The following TSNARE1 variants were observed in gnomAD, a reference collection of about 807,000 sequenced individuals.
TSNARE1 encodes t-SNARE domain-containing protein 1.
TSNARE1 carries 49 observed loss-of-function variants against 62.0 expected under a neutral mutation model. The ratio of observed to expected loss-of-function variants is 0.79; its 90% confidence interval spans 0.63 to 1.00. The LOEUF (loss-of-function observed/expected upper bound fraction) is 1.00. Ranked by LOEUF, TSNARE1 falls within the 50% of genes least tolerant of loss-of-function variation. The pLI, the probability that TSNARE1 is intolerant of heterozygous loss-of-function variation, is 0.00. For missense variants in TSNARE1, 755 were observed against 700.1 expected (o/e 1.08, Z -0.88); for synonymous variants, 328 against 294.4 (o/e 1.11, Z -1.17).
intron 12 of TSNARE1, among the ~76,000 whole-genome samples, chr8:142,256,964 A>G (rs1056828718): frequency 3.9e-5 from 6 of 152,152 alleles, no homozygotes; most frequent in African/African-American, 1.4e-4. Context: ...TGGAGGGAAA[A>G]CAGGCTCATT....
chr8:142,267,877 C>T (rs932019490), intron 12 of TSNARE1, among the ~76,000 whole-genome samples: 2 of 152,202 alleles, frequency 1.3e-5, no homozygotes, highest in East Asian at 1.9e-4. Context: ...TGGGATAGGT[C>T]GGCAACCCTC....
rs1833032921 is a variant in TSNARE1, at chr8:142,344,192, CGCATTCACGG to C, written c.509_518del (p.Ala170GlyfsTer12). On this transcript the variant is annotated frameshift_variant, in exon 4 of 14. Transcript: ENST00000524325. LOFTEE classifies it high-confidence loss of function. ...CAACGTCGCGGCGACAGTAGCCCAG[CGCATTCACGG>C]CCTGCAGGATGCGGCTCCACACGCG... is the stretch of plus-strand genomic sequence containing the variant. The C allele has an allele frequency of 6.2e-7, 1 of 1,613,408 alleles. No individual in the cohort carries two copies. The highest frequency in any genetic ancestry group is 8.5e-7 in the Non-Finnish European group (1 of 1,179,894).
rs573573980 is a variant in TSNARE1 at position 142,383,997 on chromosome 8, C to T, written c.-40+19107G>A. 1.2e-4 allele frequency among the ~76,000 whole-genome samples: 19 copies of T among 152,252 alleles called. No homozygotes were observed. In the South Asian group the frequency reaches 3.7e-3, roughly 30 times the overall value. On this transcript the variant is annotated intron_variant, in intron 1 of 13. Coordinates refer to ENST00000524325, the MANE Select transcript of TSNARE1 (RefSeq NM_145003.5). ...ACAGGAGGGAGTGAAGCAGCACTGGCGGTAGAAGGGGTGCAGTGCAGCACC... is the reference window on the plus strand; with the variant it reads ...ACAGGAGGGAGTGAAGCAGCACTGGTGGTAGAAGGGGTGCAGTGCAGCACC...
chr8:142,362,273 G>A (rs1002596590), intron 1 of TSNARE1, among the ~76,000 whole-genome samples: 1 of 152,330 alleles, frequency 6.6e-6, no homozygotes, highest in Middle Eastern at 3.4e-3. Context: ...TGGCCTCAGG[G>A]GTTGCTGCTG....
chr8:142,392,759 G>T (rs1236103045), intron 1 of TSNARE1, among the ~76,000 whole-genome samples: 1 of 152,082 alleles, frequency 6.6e-6, no homozygotes, highest in African/African-American at 2.4e-5. Context: ...GGGCCAACAT[G>T]GCGAAACCCC....
intron 12 of TSNARE1, chr8:142,273,720 G>A: frequency 1.0e-6 from 1 of 985,356 alleles, no homozygotes. Context: ...CCCGGGCTGG[G>A]TCCCACTGGG....
intron 6 of TSNARE1, among the ~76,000 whole-genome samples, chr8:142,320,524 G>A (rs1193784922): frequency 6.6e-6 from 1 of 151,648 alleles, no homozygotes; most frequent in Non-Finnish European, 1.5e-5. Context: ...CCACCCCTAG[G>A]TTCTAGGCCC....
At chr8:142,344,506 C>G (rs760278742) in intron 3 of TSNARE1, 34 bp from the exon 4 acceptor site, 14 of 1,465,476 alleles carry the variant, frequency 9.6e-6, no homozygotes, top group Non-Finnish European at 1.3e-5. Context: ...TGTTTAAGGC[C>G]CTGGGCCTGT....
At chr8:142,232,609 G>T (rs1044848719) in intron 12 of TSNARE1, among the ~76,000 whole-genome samples, 4 of 152,344 alleles carry the variant, frequency 2.6e-5, no homozygotes, top group Middle Eastern at 3.4e-3. Context: ...GAAAGGCAGG[G>T]AAAGGACGCC....
intron 10 of TSNARE1, among the ~76,000 whole-genome samples, chr8:142,289,233 C>A (rs897314359): frequency 6.6e-6 from 1 of 152,200 alleles, no homozygotes; most frequent in Non-Finnish European, 1.5e-5. Context: ...GGGCTCCAGG[C>A]AAGCAGCCAC....
chr8:142,398,813 G>A (rs920095667), intron 1 of TSNARE1, among the ~76,000 whole-genome samples: 1 of 152,168 alleles, frequency 6.6e-6, no homozygotes, highest in Admixed American at 6.5e-5. Context: ...TGTCCTGCTT[G>A]CCTGCAGTGG....
intron 12 of TSNARE1, among the ~76,000 whole-genome samples, chr8:142,257,855 C>A (rs963681720): frequency 6.6e-6 from 1 of 152,148 alleles, no homozygotes; most frequent in African/African-American, 2.4e-5. Flanking sequence ...GGCCCCACAG[C>A]CAGAAAGTGA....
At position 142,278,638 on chromosome 8, in the gene TSNARE1, AC is replaced by A. The variant is rs1019545112; in HGVS notation, c.1364-3776del. On this transcript the variant is annotated intron_variant, in intron 11 of 13. Coordinates refer to ENST00000524325, the MANE Select transcript of TSNARE1 (RefSeq NM_145003.5). ...CAGCATCACCCTCAGAGCCAGCGTCACCCTTGGAGCCAGTGGCAGCTGCGGG... is the reference window on the plus strand; with the variant it reads ...CAGCATCACCCTCAGAGCCAGCGTCACCTTGGAGCCAGTGGCAGCTGCGGG... 3 of 985,296 alleles carry A rather than the reference AC, an allele frequency of 3.0e-6. No individual in the cohort carries two copies. The African/African-American group carries it at 5.2e-5, about 17-fold the overall frequency. 61.0% of individuals were successfully genotyped at this position (985,296 alleles called of 1,614,324 possible).
intron 1 of TSNARE1, among the ~76,000 whole-genome samples, chr8:142,401,856 G>A (rs1838316461): frequency 1.3e-5 from 2 of 152,124 alleles, no homozygotes; most frequent in African/African-American, 4.8e-5. Flanking sequence ...TGATGTATGG[G>A]GTCGAACGGT....
chr8:142,296,102 A>G (rs1459455369), intron 10 of TSNARE1, among the ~76,000 whole-genome samples: 16 of 1,430 alleles, frequency 0.011, 1 homozygote, highest in African/African-American at 0.063. Context: ...GTGGTCACTC[A>G]TGGGGGAGGG....
intron 12 of TSNARE1, among the ~76,000 whole-genome samples, chr8:142,246,107 G>A (rs916747151): frequency 3.9e-5 from 6 of 152,160 alleles, no homozygotes; most frequent in South Asian, 2.1e-4. Flanking sequence ...CCCACTCTTC[G>A]GTTCCACAGC....
At chr8:142,300,366 G>T in intron 10 of TSNARE1, 120 bp downstream of exon 10, 2 of 1,236,472 alleles carry the variant, frequency 1.6e-6, no homozygotes, top group South Asian at 1.6e-5. Flanking sequence ...TGGAGGCCTA[G>T]TTCCAGCCCC....
chr8:142,341,601 T>A (rs1287057660), intron 4 of TSNARE1, among the ~76,000 whole-genome samples: 1 of 152,152 alleles, frequency 6.6e-6, no homozygotes, highest in Non-Finnish European at 1.5e-5. Context: ...CAGCACAAGG[T>A]AGAAGAGGAT....
At chr8:142,263,471 G>A (rs1352745795) in intron 12 of TSNARE1, among the ~76,000 whole-genome samples, 1 of 152,196 alleles carries the variant, frequency 6.6e-6, no homozygotes, top group African/African-American at 2.4e-5. Flanking sequence ...AGTTCAAGGG[G>A]TGGACTGGCC....
Sources: allele counts gnomAD v4.1 joint callset (sites outside exome capture counted in the v4.1 genomes callset), GRCh38; gene constraint gnomAD v4.1.1; transcripts MANE v1.5; gene names NCBI Gene and HGNC (gene_info 2026-07-23, HGNC 2026-07-21).